Variants in TACC2 observed in about 807,000 individuals in gnomAD.
The protein encoded by TACC2 is transforming acidic coiled-coil-containing protein 2.
Under a neutral mutation model 227.3 loss-of-function variants are expected in TACC2, and 137 were observed. The observed-to-expected ratio is 0.60, with a 90% CI of 0.52 to 0.69. The LOEUF is 0.69. TACC2 is among the 30% of genes least tolerant of loss of function. The pLI, the probability that TACC2 is intolerant of heterozygous loss-of-function variation, is 0.00. For synonymous variants in TACC2, 1,523 were observed against 1,487.5 expected, an observed-to-expected ratio of 1.02 and a Z score of -0.55; for missense variants, 3,470 against 3,694.4, an observed-to-expected ratio of 0.94 and a Z score of 1.57.
chr10:122,208,453 T>G (rs552488959), intron 8 of TACC2, among the ~76,000 whole-genome samples: 2 of 152,298 alleles, frequency 1.3e-5, no homozygotes, highest in African/African-American at 4.8e-5. Flanking sequence ...CCCAGAGATT[T>G]GCAGTCGGGA....
chr10:122,240,897 C>T lies in TACC2; in HGVS notation c.8349-1061C>T, dbSNP rs137970619. ...AACAGGGGATCTTAGTGCTTTTGTG[C>T]AGTTACTGTCTATTGAGGCTTCCCA... On this transcript the variant is annotated intron_variant, in intron 18 of 22. Transcript: ENST00000369005. Among the ~76,000 whole-genome samples the T allele has an allele frequency of 2.8e-3, 420 of 152,284 alleles. 2 individuals are homozygous for T. The highest frequency in any genetic ancestry group is 9.5e-3 in the African/African-American group (393 of 41,548).
intron 1 of TACC2, among the ~76,000 whole-genome samples, chr10:122,004,979 C>G (rs1954882349): frequency 6.6e-6 from 1 of 151,864 alleles, no homozygotes. Context: ...AGTGCTTTTA[C>G]CAAAGTTTTT....
At position 122,204,572 on chromosome 10, in the gene TACC2, A is replaced by T. The variant is rs552290788; in HGVS notation, c.5972-5825A>T. On this transcript the variant is annotated intron_variant, in intron 8 of 22. Transcript: ENST00000369005. ...ACATGTGGGCCGGGTACGGTGGCCC[A>T]TGCCTGTCATCTCAGCACTTTGGGA... Among the ~76,000 whole-genome samples, 45 of 152,334 alleles carry T rather than the reference A, an allele frequency of 3.0e-4. No individual in the cohort carries two copies. The South Asian group carries it at 7.9e-3, about 27-fold the overall frequency.
In TACC2 at chr10:122,145,540, A is replaced by C. The variant is rs58379276; in HGVS notation, c.5834+1834A>C. ...TTGTATTGACTACAAATGAGCATGAAGAGATCTTTGTGGGGGGTGATGGAA... is the reference window on the plus strand; with the variant it reads ...TTGTATTGACTACAAATGAGCATGACGAGATCTTTGTGGGGGGTGATGGAA... On this transcript the variant is annotated intron_variant, in intron 7 of 22. Coordinates refer to ENST00000369005, the MANE Select transcript of TACC2 (RefSeq NM_206862.4). 7.2e-3 allele frequency among the ~76,000 whole-genome samples: 1,097 copies of C among 152,332 alleles called. 15 individuals are homozygous for C. Among genetic ancestry groups the C allele is most frequent in the African/African-American group, 0.025 (1,047 of 41,570 alleles).
intron 3 of TACC2, among the ~76,000 whole-genome samples, chr10:122,059,106 C>CG (rs1247637603): frequency 4.9e-5 from 7 of 142,192 alleles, no homozygotes; most frequent in Admixed American, 2.3e-4. Flanking sequence ...TTAGTAGAGA[C>CG]GGGGTTTCAC....
intron 5 of TACC2, chr10:122,127,281 AC>A (rs1355847263): frequency 2.0e-5 from 3 of 152,356 alleles, no homozygotes; most frequent in Admixed American, 1.3e-4. Context: ...TGAGCCTGTC[AC>A]CCCTGGAGTG....
At chr10:122,095,865 A>G (rs2081326348) in intron 5 of TACC2, among the ~76,000 whole-genome samples, 1 of 152,220 alleles carries the variant, frequency 6.6e-6, no homozygotes, top group Non-Finnish European at 1.5e-5. Flanking sequence ...AAGGAACCAA[A>G]TTGTTAATTT....
In TACC2 at chr10:122,084,053, T is replaced by C; in HGVS notation, c.1553T>C (p.Leu518Pro). The C allele has an allele frequency of 1.2e-6, 2 of 1,614,010 alleles. No homozygotes were observed. Among genetic ancestry groups the C allele is most frequent in the East Asian group, 2.2e-5 (1 of 44,848 alleles). Residue 518 changes from leucine to proline, a missense_variant, in exon 4 of 23, where the codon CTT becomes CCT. Physicochemically the swap from Leu to Pro is moderately conservative, Grantham distance 98. Transcript: ENST00000369005. ...EVQPGVPPPP[L>P]PKEQSHEVQP... Reference sequence around the variant, plus strand: ...CAACCAGGAGTACCACCCCCTCCTCTTCCCAAGGAGCAAAGCCATGAGGTC... The same window carrying C: ...CAACCAGGAGTACCACCCCCTCCTCCTCCCAAGGAGCAAAGCCATGAGGTC...
At chr10:122,125,147 A>G (rs2086592593) in intron 5 of TACC2, among the ~76,000 whole-genome samples, 1 of 151,338 alleles carries the variant, frequency 6.6e-6, no homozygotes, top group Non-Finnish European at 1.5e-5. Flanking sequence ...ATGCCCCCAG[A>G]CTCTCCTTCC....
rs1309438773 is a variant in TACC2 at position 122,249,562 on chromosome 10, T to G, written c.8679T>G (p.Ala2893=). 4 of 1,613,978 alleles carry G rather than the reference T, an allele frequency of 2.5e-6. No homozygotes were observed. In the African/African-American group the frequency reaches 5.3e-5, roughly 22 times the overall value. Residue 2893 remains alanine, a synonymous_variant, in exon 22 of 23, where the codon GCT becomes GCG. Coordinates refer to ENST00000369005, the MANE Select transcript of TACC2 (RefSeq NM_206862.4). The part of the protein sequence containing the change: ...EKLDRANAEI[A]QVRGKAQQEQ... ...TCCGCAGGGCCAATGCTGAGATTGCTCAGGTTCGAGGCAAGGCCCAGCAGG... is the reference window on the plus strand; with the variant it reads ...TCCGCAGGGCCAATGCTGAGATTGCGCAGGTTCGAGGCAAGGCCCAGCAGG...
At chr10:122,149,663 T>G (rs968351836) in intron 7 of TACC2, among the ~76,000 whole-genome samples, 1 of 152,178 alleles carries the variant, frequency 6.6e-6, no homozygotes, top group Non-Finnish European at 1.5e-5. Context: ...TGATGCATCT[T>G]CGCTCTGGAG....
intron 6 of TACC2, among the ~76,000 whole-genome samples, chr10:122,140,773 C>T (rs2139140824): frequency 6.6e-6 from 1 of 152,360 alleles, no homozygotes; most frequent in South Asian, 2.1e-4. Context: ...TGGTGAGGAG[C>T]TGGCTGCCGG....
In TACC2 at chr10:122,229,455, A is replaced by G. The variant is rs1450511448; in HGVS notation, c.8006A>G (p.Lys2669Arg). ...LDYLEPDLAE[K>R]NPPLFAQKLQ... ...TATCTGGAGCCCGACTTAGCAGAAA[A>G]GAACCCCCCACTATTCGCTCAGAAA... The change falls in exon 15 of 23, where the codon AAG (lysine) becomes AGG (arginine). Residue 2669 changes from lysine (K) to arginine (R), a missense_variant. By Grantham distance (26) the Lys-to-Arg change is conservative. Around this residue, in one of 10 missense-constraint regions of TACC2, gnomAD observed 345 missense variants for 354.4 expected, o/e 0.97. Coordinates refer to ENST00000369005, the MANE Select transcript of TACC2 (RefSeq NM_206862.4). 1.2e-6 allele frequency: 2 copies of G among 1,613,954 alleles called. No homozygotes were observed. Among genetic ancestry groups the G allele is most frequent in the Non-Finnish European group, 1.7e-6 (2 of 1,180,026 alleles).
chr10:122,101,723 C>CTTTTTTTTTTTTT (rs1179126977), intron 5 of TACC2, among the ~76,000 whole-genome samples: 43 of 55,730 alleles, frequency 7.7e-4, no homozygotes, highest in South Asian at 1.1e-3. Context: ...CCATGCCCAG[C>CTTTTTTTTTTTTT]TTTTTTTTTT....
intron 2 of TACC2, among the ~76,000 whole-genome samples, chr10:122,041,867 A>G (rs2459077): frequency 0.83 from 126,385 of 152,292 alleles, 52,481 homozygotes; most frequent in Admixed American, 0.87. Context: ...TGTGTGAACA[A>G]CACGGCTCCA....
intron 5 of TACC2, among the ~76,000 whole-genome samples, chr10:122,118,965 A>G (rs1030230359): frequency 8.5e-5 from 13 of 152,206 alleles, no homozygotes; most frequent in African/African-American, 2.7e-4. Context: ...GCTATGCTTT[A>G]CATGTTTTTT....
chr10:122,080,017 C>G (rs2079268398), intron 3 of TACC2, among the ~76,000 whole-genome samples: 1 of 152,186 alleles, frequency 6.6e-6, no homozygotes, highest in Admixed American at 6.5e-5. Context: ...CATAAGAAAA[C>G]ACCACAACTT....
At chr10:122,154,840 C>A (rs1225076088) in intron 7 of TACC2, among the ~76,000 whole-genome samples, 1 of 152,166 alleles carries the variant, frequency 6.6e-6, no homozygotes, top group Non-Finnish European at 1.5e-5. Flanking sequence ...ACTCTGCCCA[C>A]GGACTTTATG....
chr10:122,196,748 A>G (rs921308402), intron 8 of TACC2, among the ~76,000 whole-genome samples: 13 of 152,076 alleles, frequency 8.5e-5, no homozygotes, highest in African/African-American at 2.9e-4. Flanking sequence ...CATCCTGGCC[A>G]ATACGGTGAA....
Sources: gnomAD v4.1 joint callset for allele counts (sites outside exome capture counted in the v4.1 genomes callset) on GRCh38, gnomAD v4.1.1 for gene constraint, gnomAD v4.1.1 regional missense constraint, MANE v1.5 for transcripts, NCBI Gene and HGNC (gene_info 2026-07-23, HGNC 2026-07-21) for gene names.